Variants in CNGA1 observed in about 807,000 individuals in gnomAD.
CNGA1 encodes the protein cyclic nucleotide gated channel subunit alpha 1, also known as cyclic nucleotide-gated channel alpha-1.
Under a neutral mutation model 69.7 loss-of-function variants are expected in CNGA1, and 53 were observed. The ratio of observed to expected loss-of-function variants is 0.76; its 90% confidence interval spans 0.61 to 0.96. The LOEUF (loss-of-function observed/expected upper bound fraction) is 0.96. Ranked by LOEUF, CNGA1 falls within the 40% of genes least tolerant of loss-of-function variation. CNGA1 has a pLI of 0.00. For missense variants in CNGA1, 739 were observed against 811.2 expected (o/e 0.91, Z 1.08); for synonymous variants, 249 against 283.5 (o/e 0.88, Z 1.22).
intron 3 of CNGA1, among the ~76,000 whole-genome samples, chr4:47,977,099 G>T (rs1219627638): frequency 1.3e-5 from 2 of 152,198 alleles, no homozygotes; most frequent in Admixed American, 1.3e-4. Flanking sequence ...CTAATGGCTG[G>T]TGTTACAGGC....
At chr4:47,948,866 C>T (rs1739578805) in intron 6 of CNGA1, among the ~76,000 whole-genome samples, 3 of 152,128 alleles carry the variant, frequency 2.0e-5, no homozygotes, top group African/African-American at 7.2e-5. Context: ...GTCATCTAGA[C>T]CAGCAGATGT....
intron 6 of CNGA1, among the ~76,000 whole-genome samples, chr4:47,945,236 A>C (rs60374830): frequency 0.013 from 1,954 of 152,286 alleles, 36 homozygotes; most frequent in African/African-American, 0.044. Flanking sequence ...ATTTTAAAAA[A>C]ATCAGAATCC....
intron 2 of CNGA1, among the ~76,000 whole-genome samples, chr4:47,996,753 A>T (rs1028366973): frequency 1.3e-5 from 2 of 152,232 alleles, no homozygotes; most frequent in South Asian, 4.1e-4. Context: ...GTACCTGAAA[A>T]TTTTAAGATT....
chr4:48,012,580 TTTTTTTTTTTTA>T, intron 1 of CNGA1, among the ~76,000 whole-genome samples: 1 of 143,716 alleles, frequency 7.0e-6, no homozygotes. Flanking sequence ...TTTTTTTTTT[TTTTTTTTTTTTA>T]GAATTTAGCC....
chr4:47,991,933 C>T (rs1173352304), intron 2 of CNGA1, among the ~76,000 whole-genome samples: 1 of 152,112 alleles, frequency 6.6e-6, no homozygotes, highest in Non-Finnish European at 1.5e-5. Context: ...TGCCCTTTCC[C>T]CACTTTATGT....
intron 3 of CNGA1, among the ~76,000 whole-genome samples, chr4:47,978,048 A>C (rs888676737): frequency 5.3e-5 from 8 of 151,954 alleles, no homozygotes; most frequent in African/African-American, 1.9e-4. Flanking sequence ...CTGGTCTCGA[A>C]CTCCTGACCT....
chr4:47,986,401 C>CAA (rs79811881), intron 2 of CNGA1, among the ~76,000 whole-genome samples: 1 of 137,206 alleles, frequency 7.3e-6, no homozygotes, highest in Non-Finnish European at 1.6e-5. Context: ...GACTCTATTT[C>CAA]AAAAAAAAAA....
At chr4:47,978,528 A>G (rs868782573) in intron 3 of CNGA1, among the ~76,000 whole-genome samples, 1 of 152,134 alleles carries the variant, frequency 6.6e-6, no homozygotes, top group African/African-American at 2.4e-5. Flanking sequence ...AACTACTTAT[A>G]TATTTATTTT....
Position 47,937,378 on chromosome 4 carries a change from A to T in CNGA1, c.1104T>A (p.Asp368Glu), listed in dbSNP as rs1319054360. The stretch of plus-strand genomic sequence containing the variant: ...CAACCACCACAAAGACATACTCAGA[A>T]TCCCTCACGGGAGGGGGTGTTTCAC... ...TIGETPPPVR[D>E]SEYVFVVVDF... The change falls in exon 11 of 11, where the codon GAT becomes GAA. Residue 368 changes from aspartate (D) to glutamate (E), a missense_variant. Physicochemically the swap from Asp to Glu is conservative, Grantham distance 45. Coordinates refer to ENST00000514170, the MANE Select transcript of CNGA1 (RefSeq NM_001379270.1). 10 of 1,614,160 alleles carry T rather than the reference A, an allele frequency of 6.2e-6. No homozygotes were observed. The highest frequency in any genetic ancestry group is 8.5e-6 in the Non-Finnish European group (10 of 1,180,020).
At chr4:47,953,892 C>T (rs1458452979) in intron 3 of CNGA1, among the ~76,000 whole-genome samples, 1 of 151,260 alleles carries the variant, frequency 6.6e-6, no homozygotes, top group African/African-American at 2.4e-5. Flanking sequence ...GCTCCACACT[C>T]GGGCCTTATG....
intron 9 of CNGA1, among the ~76,000 whole-genome samples, chr4:47,941,474 A>T (rs1263683644): frequency 6.6e-6 from 1 of 152,240 alleles, no homozygotes; most frequent in Non-Finnish European, 1.5e-5. Flanking sequence ...CATCTAAAAG[A>T]CATTAAATCC....
chr4:47,965,690 C>G (rs10805161), intron 3 of CNGA1, among the ~76,000 whole-genome samples: 129,134 of 152,094 alleles, frequency 0.85, 55,085 homozygotes, highest in East Asian at 0.98. Flanking sequence ...GCCTTCCAAA[C>G]TACTGGGATT....
intron 3 of CNGA1, among the ~76,000 whole-genome samples, chr4:47,974,565 C>G (rs1228542888): frequency 6.6e-6 from 1 of 151,916 alleles, no homozygotes; most frequent in African/African-American, 2.4e-5. Flanking sequence ...GCATGTTGGT[C>G]AAAGGATACA....
chr4:47,937,777 T>C lies in CNGA1; in HGVS notation c.705A>G (p.Lys235=), dbSNP rs368137821. Residue 235 remains lysine, a synonymous_variant, in exon 11 of 11, where the codon AAA becomes AAG. Transcript: ENST00000514170. ...GTTTAAATTGCAAGTTGGATTTATA[T>C]TTATTTATGAGTTTAAGTTCTTCCT... is the stretch of plus-strand genomic sequence containing the variant. The part of the protein sequence containing the change: ...LVKEELKLIN[K]YKSNLQFKLD... 179 of 1,613,424 alleles carry C rather than the reference T, an allele frequency of 1.1e-4. 1 individual carries two copies. The highest frequency in any genetic ancestry group is 7.8e-4 in the East Asian group (35 of 44,878).
chr4:47,997,534 A>AG (rs1714435840), intron 2 of CNGA1, among the ~76,000 whole-genome samples: 1 of 152,112 alleles, frequency 6.6e-6, no homozygotes, highest in Non-Finnish European at 1.5e-5. Context: ...TTGATGGGTC[A>AG]GGGGTACTCA....
chr4:47,947,299 G>A (rs1342949253), intron 6 of CNGA1, among the ~76,000 whole-genome samples: 1 of 152,206 alleles, frequency 6.6e-6, no homozygotes, highest in Non-Finnish European at 1.5e-5. Flanking sequence ...GCCTCACTTA[G>A]AGGTGGTCTT....
chr4:47,991,749 T>G (rs1329381361), intron 2 of CNGA1, among the ~76,000 whole-genome samples: 1 of 152,226 alleles, frequency 6.6e-6, no homozygotes, highest in African/African-American at 2.4e-5. Flanking sequence ...CCTAAGCCAA[T>G]GTCTAGAAGG....
At chr4:47,942,652 T>TG (rs1739163616) in intron 8 of CNGA1, among the ~76,000 whole-genome samples, 1 of 152,126 alleles carries the variant, frequency 6.6e-6, no homozygotes, top group Non-Finnish European at 1.5e-5. Flanking sequence ...CAGCAGGAGG[T>TG]GAGCTGCAGG....
At chr4:47,947,474 G>C (rs1173230520) in intron 6 of CNGA1, among the ~76,000 whole-genome samples, 4 of 152,120 alleles carry the variant, frequency 2.6e-5, no homozygotes, top group Admixed American at 2.6e-4. Flanking sequence ...CAAGGAGTTA[G>C]AGACCAGCCT....
Sources: allele counts gnomAD v4.1 joint callset (sites outside exome capture counted in the v4.1 genomes callset), GRCh38; gene constraint gnomAD v4.1.1; transcripts MANE v1.5; gene names NCBI Gene and HGNC (gene_info 2026-07-23, HGNC 2026-07-21).